The following FRMPD4 variants were observed in gnomAD, a reference collection of about 807,000 sequenced individuals.
FRMPD4 encodes FERM and PDZ domain-containing protein 4.
Under a neutral mutation model 94.1 loss-of-function variants are expected in FRMPD4, and 22 were observed. The ratio of observed to expected loss-of-function variants is 0.23; its 90% CI spans 0.17 to 0.33. FRMPD4 has a LOEUF of 0.33. Ranked by LOEUF, FRMPD4 falls within the 10% of genes least tolerant of loss-of-function variation. FRMPD4 has a pLI of 1.00. For synonymous variants in FRMPD4, 631 were observed against 548.6 expected, an observed-to-expected ratio of 1.15 and a Z score of -2.10; for missense variants, 1,111 against 1,339.9, an observed-to-expected ratio of 0.83 and a Z score of 2.67.
chrX:12,585,883 C>T (rs1028868940), intron 2 of FRMPD4, among the ~76,000 whole-genome samples: 6 of 112,405 alleles, frequency 5.3e-5, no homozygotes, highest in Non-Finnish European at 1.1e-4. Flanking sequence ...CTCTGAACTA[C>T]AGCTATGTCT....
intron 1 of FRMPD4, among the ~76,000 whole-genome samples, chrX:12,163,462 TAAAAAAA>T (rs201319402): frequency 0.14 from 9,654 of 67,527 alleles, 613 homozygotes; most frequent in South Asian, 0.32. Context: ...TGACCCTTTG[TAAAAAAA>T]AAAAAAAAAA....
At chrX:12,702,444 T>C (rs1306874108) in intron 10 of FRMPD4, among the ~76,000 whole-genome samples, 1 of 111,868 alleles carries the variant, frequency 8.9e-6, no homozygotes, top group African/African-American at 3.3e-5. Flanking sequence ...ACCCAGGCAG[T>C]GGGACTCCCC....
At chrX:11,961,635 C>G (rs2054283821) in intron 3 of FRMPD4, among the ~76,000 whole-genome samples, 1 of 111,701 alleles carries the variant, frequency 9.0e-6, no homozygotes, top group South Asian at 3.8e-4. Context: ...TCTCAATAAG[C>G]CCCTTCACTA....
chrX:12,195,480 C>G (rs2056555864), intron 1 of FRMPD4, among the ~76,000 whole-genome samples: 1 of 112,242 alleles, frequency 8.9e-6, no homozygotes, highest in African/African-American at 3.2e-5. Context: ...CACATAAGCA[C>G]TCTTGCCCCC....
At chrX:12,502,216 G>A (rs746773140) in intron 2 of FRMPD4, among the ~76,000 whole-genome samples, 1 of 112,198 alleles carries the variant, frequency 8.9e-6, no homozygotes, top group Non-Finnish European at 1.9e-5. Context: ...ACACAGAAAT[G>A]ATTAACTCCA....
At chrX:12,662,159 C>T (rs770070880) in intron 4 of FRMPD4, among the ~76,000 whole-genome samples, 8 of 111,464 alleles carry the variant, frequency 7.2e-5, no homozygotes, top group South Asian at 3.8e-4. Flanking sequence ...GGCTGAGACT[C>T]ACTAGCTTGC....
intron 1 of FRMPD4, among the ~76,000 whole-genome samples, chrX:12,454,814 CG>C (rs1450916811): frequency 2.2e-5 from 1 of 46,057 alleles, no homozygotes; most frequent in Non-Finnish European, 5.1e-5. Flanking sequence ...TAGAAAGCCA[CG>C]TTTTTTTTTT....
At chrX:11,945,572 T>A (rs1187967366) in intron 3 of FRMPD4, among the ~76,000 whole-genome samples, 4 of 111,852 alleles carry the variant, frequency 3.6e-5, no homozygotes, top group Admixed American at 2.9e-4. Context: ...TTTTGCAGGT[T>A]ATACAAGCAT....
Position 12,219,479 on chromosome X carries a change from T to C in FRMPD4, c.41+80467T>C, listed in dbSNP as rs1484034843. Among the ~76,000 whole-genome samples, 3 of 112,431 alleles carry C rather than the reference T, an allele frequency of 2.7e-5. No homozygotes were observed. In the East Asian group the frequency reaches 8.4e-4, roughly 31 times the overall value. The stretch of plus-strand genomic sequence containing the variant: ...ATTTAATGCAATAAGAGTAGGAGTT[T>C]AGTATTTGTGAGGTACTTTGACTTT... On this transcript the variant is annotated intron_variant, in intron 1 of 16. Coordinates refer to ENST00000675598, the MANE Select transcript of FRMPD4 (RefSeq NM_001368397.1).
At chrX:12,067,387 GTGTT>G (rs370688291) in intron 3 of FRMPD4, among the ~76,000 whole-genome samples, 115 of 110,665 alleles carry the variant, frequency 1.0e-3, no homozygotes, top group African/African-American at 2.1e-3. Flanking sequence ...CAAAAACAAA[GTGTT>G]TGTTTGTTTG....
chrX:12,594,470 C>T (rs769866720), intron 2 of FRMPD4, among the ~76,000 whole-genome samples: 24 of 110,903 alleles, frequency 2.2e-4, no homozygotes, highest in African/African-American at 7.9e-4. Context: ...GAGTCTCACT[C>T]TGTCACCCAG....
intron 1 of FRMPD4, among the ~76,000 whole-genome samples, chrX:12,269,248 T>A (rs1276850161): frequency 9.0e-6 from 1 of 111,466 alleles, no homozygotes; most frequent in Non-Finnish European, 1.9e-5. Flanking sequence ...CAACCCAGCA[T>A]AATAGGTGGA....
intron 1 of FRMPD4, among the ~76,000 whole-genome samples, chrX:12,241,827 G>A (rs2053878158): frequency 9.1e-6 from 1 of 110,398 alleles, no homozygotes; most frequent in Non-Finnish European, 1.9e-5. Flanking sequence ...CTTGAGCCCA[G>A]AAGGTCAAGG....
chrX:12,302,079 C>T (rs1055581088), intron 1 of FRMPD4, among the ~76,000 whole-genome samples: 10 of 112,122 alleles, frequency 8.9e-5, no homozygotes, highest in Non-Finnish European at 5.6e-5. Flanking sequence ...TAGCCCATAC[C>T]TCAGTCCCAA....
chrX:11,849,662 A>T (rs1464881461), intron 1 of FRMPD4, among the ~76,000 whole-genome samples: 1 of 106,439 alleles, frequency 9.4e-6, no homozygotes, highest in Non-Finnish European at 1.9e-5. Flanking sequence ...AGACAATTCA[A>T]TGTGGGAAAG....
At chrX:11,898,367 A>C (rs1294803288) in intron 3 of FRMPD4, among the ~76,000 whole-genome samples, 1 of 111,535 alleles carries the variant, frequency 9.0e-6, no homozygotes, top group Non-Finnish European at 1.9e-5. Flanking sequence ...TGCTGCTTGT[A>C]GATGGCTTGG....
chrX:12,498,905 G>T (rs1174752569), intron 2 of FRMPD4, 109 bp downstream of exon 2: 1 of 396,665 alleles, frequency 2.5e-6, no homozygotes, highest in Admixed American at 4.1e-5. Context: ...GCATTTGGAG[G>T]CCATTACTAA....
At chrX:12,127,376 GC>G (rs1181641015) in intron 3 of FRMPD4, among the ~76,000 whole-genome samples, 1 of 111,643 alleles carries the variant, frequency 9.0e-6, no homozygotes, top group Admixed American at 9.5e-5. Flanking sequence ...TCTTCACAAG[GC>G]AGCAGGAGAG....
chrX:12,607,114 G>T (rs769279377), intron 2 of FRMPD4, among the ~76,000 whole-genome samples: 47 of 111,201 alleles, frequency 4.2e-4, no homozygotes, highest in Non-Finnish European at 7.7e-4. Flanking sequence ...CCCAGCCTGG[G>T]GCCTTGTCTG....
Sources: gnomAD v4.1 joint callset for allele counts (sites outside exome capture counted in the v4.1 genomes callset) on GRCh38, gnomAD v4.1.1 for gene constraint, MANE v1.5 for transcripts, NCBI Gene and HGNC (gene_info 2026-07-23, HGNC 2026-07-21) for gene names.